The following ENAH variants were observed in gnomAD, a reference collection of about 807,000 sequenced individuals.
ENAH encodes the protein ENAH actin regulator.
A neutral mutation model predicts 78.7 loss-of-function variants in ENAH; 23 were observed. The observed-to-expected ratio is 0.29, with a 90% confidence interval of 0.21 to 0.41. The LOEUF (loss-of-function observed/expected upper bound fraction) is 0.41, where lower values mean the gene tolerates loss of function less well. Ranked by LOEUF, ENAH falls within the 10% of genes least tolerant of loss-of-function variation. The pLI is 1.00. For missense variants in ENAH, 544 were observed against 691.0 expected (o/e 0.79, Z 2.39); for synonymous variants, 226 against 241.0 (o/e 0.94, Z 0.58).
intron 1 of ENAH, among the ~76,000 whole-genome samples, chr1:225,644,503 T>C (rs1252762443): frequency 1.3e-5 from 2 of 152,172 alleles, no homozygotes; most frequent in Non-Finnish European, 2.9e-5. Context: ...GATATTCAAA[T>C]AACCAGTATA....
In ENAH at chr1:225,588,585, G is replaced by A. The variant is rs190440482; in HGVS notation, c.6-21171C>T. Reference sequence around the variant, plus strand: ...AACACTTTGGGAGGCCAAGGTGGACGGATCACGAAGTCAGGAGATTGAGAC... The same window carrying A: ...AACACTTTGGGAGGCCAAGGTGGACAGATCACGAAGTCAGGAGATTGAGAC... On this transcript the variant is annotated intron_variant, in intron 1 of 13. Coordinates refer to ENST00000366843, the MANE Select transcript of ENAH (RefSeq NM_018212.6). 2.1e-3 allele frequency among the ~76,000 whole-genome samples: 316 copies of A among 152,226 alleles called. 2 individuals are homozygous for A. The highest frequency in any genetic ancestry group is 3.4e-3 in the Middle Eastern group (1 of 294).
chr1:225,588,221 C>T (rs1175790066), intron 1 of ENAH, among the ~76,000 whole-genome samples: 2 of 152,076 alleles, frequency 1.3e-5, no homozygotes, highest in Non-Finnish European at 2.9e-5. Context: ...AGAATGCATA[C>T]ATAGGCAAGG....
rs1175105476 is a variant in ENAH, at chr1:225,493,589, A to G, written c.*4186T>C. On this transcript the variant is annotated 3_prime_UTR_variant, in exon 14 of 14. Coordinates refer to ENST00000366843, the MANE Select transcript of ENAH (RefSeq NM_018212.6). ...ACAGATATGAACTCATCTTTCTATTAAAAACAAAAGTGGTGCTACCAGAAA... is the reference window on the plus strand; with the variant it reads ...ACAGATATGAACTCATCTTTCTATTGAAAACAAAAGTGGTGCTACCAGAAA... The G allele has an allele frequency of 6.6e-6, 1 of 152,196 alleles. No individual in the cohort carries two copies. Among genetic ancestry groups the G allele is most frequent in the Admixed American group, 6.5e-5 (1 of 15,276 alleles). 9.4% of individuals were successfully genotyped at this position (152,196 alleles called of 1,614,324 possible). A position where few individuals can be genotyped will look rare whatever the true frequency, so the allele number is the denominator to read the frequency against.
At chr1:225,618,704 T>C (rs1162203863) in intron 1 of ENAH, among the ~76,000 whole-genome samples, 1 of 152,246 alleles carries the variant, frequency 6.6e-6, no homozygotes, top group Admixed American at 6.5e-5. Flanking sequence ...GAAAGTTTCA[T>C]GTTCTACTTA....
intron 1 of ENAH, among the ~76,000 whole-genome samples, chr1:225,615,225 G>A (rs1345770059): frequency 6.6e-6 from 1 of 151,700 alleles, no homozygotes; most frequent in East Asian, 1.9e-4. Flanking sequence ...GTATTTTTTC[G>A]GTGGAGACGG....
intron 10 of ENAH, 40 bp downstream of exon 10, chr1:225,511,761 TAATATTTAGA>T (rs778707397): frequency 7.5e-7 from 1 of 1,342,032 alleles, no homozygotes; most frequent in Non-Finnish European, 1.0e-6. Context: ...TGGGGAGTAT[TAATATTTAGA>T]GAAAGTTTAT....
At chr1:225,571,962 G>A (rs1414133131) in intron 1 of ENAH, among the ~76,000 whole-genome samples, 3 of 152,074 alleles carry the variant, frequency 2.0e-5, no homozygotes, top group Non-Finnish European at 4.4e-5. Context: ...GCTTTCCTGA[G>A]TTTTGGGAAT....
intron 7 of ENAH, 132 bp from the exon 8 acceptor site, chr1:225,513,148 A>C (rs2151120719): frequency 2.6e-6 from 2 of 763,610 alleles, no homozygotes; most frequent in Middle Eastern, 7.5e-4. Context: ...TTTAAGCTTT[A>C]AGAACCAATA....
intron 1 of ENAH, among the ~76,000 whole-genome samples, chr1:225,610,028 C>A (rs1309242228): frequency 6.6e-6 from 1 of 151,458 alleles, no homozygotes; most frequent in African/African-American, 2.4e-5. Context: ...ACATGTATAC[C>A]ACATGATAAA....
intron 1 of ENAH, among the ~76,000 whole-genome samples, chr1:225,610,809 C>A (rs560244982): frequency 6.6e-6 from 1 of 152,126 alleles, no homozygotes; most frequent in African/African-American, 2.4e-5. Flanking sequence ...CCCACATACA[C>A]GCTCAAGAAA....
chr1:225,505,304 A>G (rs962811861), intron 11 of ENAH, among the ~76,000 whole-genome samples: 41 of 152,226 alleles, frequency 2.7e-4, no homozygotes, highest in Non-Finnish European at 1.8e-4. Flanking sequence ...AGGCACAGTA[A>G]GTATATAAAA....
chr1:225,644,712 C>T (rs1661643173), intron 1 of ENAH, among the ~76,000 whole-genome samples: 1 of 152,116 alleles, frequency 6.6e-6, no homozygotes, highest in Non-Finnish European at 1.5e-5. Context: ...CTCTAAGGCA[C>T]AGTTAAAGGT....
rs1771316 is a variant in ENAH at position 225,493,278 on chromosome 1, A to G, written c.*4497T>C. 6.6e-6 allele frequency: 1 copy of G among 152,196 alleles called. No homozygotes were observed. The highest frequency in any genetic ancestry group is 2.1e-4 in the South Asian group (1 of 4,808). 9.4% of individuals were successfully genotyped at this position (152,196 alleles called of 1,614,324 possible). A position where few individuals can be genotyped will look rare whatever the true frequency, so the allele number is the denominator to read the frequency against. The stretch of plus-strand genomic sequence containing the variant: ...AACAGTTCTTGGCTTCTATAAACGG[A>G]CTTTCTTGAGGGGTTACTGACTTCA... On this transcript the variant is annotated 3_prime_UTR_variant, in exon 14 of 14. Coordinates refer to ENST00000366843, the MANE Select transcript of ENAH (RefSeq NM_018212.6).
chr1:225,560,782 A>C (rs1455961826), intron 2 of ENAH, among the ~76,000 whole-genome samples: 1 of 152,248 alleles, frequency 6.6e-6, no homozygotes, highest in African/African-American at 2.4e-5. Context: ...AGGCAAATCA[A>C]TATCCCTGCT....
intron 3 of ENAH, among the ~76,000 whole-genome samples, chr1:225,554,595 T>C (rs1322882883): frequency 6.6e-6 from 1 of 152,216 alleles, no homozygotes; most frequent in East Asian, 1.9e-4. Flanking sequence ...TTCATGTACT[T>C]GCAACGGAAG....
chr1:225,574,928 ATAT>A (rs796726812), intron 1 of ENAH, among the ~76,000 whole-genome samples: 1 of 108,190 alleles, frequency 9.2e-6, no homozygotes, highest in Non-Finnish European at 2.0e-5. Flanking sequence ...AAATATATAT[ATAT>A]AAAAAAAAAA....
chr1:225,575,755 C>T (rs1315069639), intron 1 of ENAH, among the ~76,000 whole-genome samples: 1 of 152,178 alleles, frequency 6.6e-6, no homozygotes, highest in Non-Finnish European at 1.5e-5. Context: ...TTGTGCATAT[C>T]ATCTCTACCA....
chr1:225,526,266 A>G (rs1277397751), intron 4 of ENAH, among the ~76,000 whole-genome samples: 1 of 151,696 alleles, frequency 6.6e-6, no homozygotes, highest in Non-Finnish European at 1.5e-5. Context: ...TCTTTGTTTT[A>G]GGACTATTTT....
At chr1:225,548,847 ATTTT>A (rs11392563) in intron 3 of ENAH, among the ~76,000 whole-genome samples, 1 of 139,360 alleles carries the variant, frequency 7.2e-6, no homozygotes, top group Non-Finnish European at 1.5e-5. Context: ...TAGTGAACAG[ATTTT>A]TTTTTTTTTT....
Sources: gnomAD v4.1 joint callset for allele counts (sites outside exome capture counted in the v4.1 genomes callset) on GRCh38, gnomAD v4.1.1 for gene constraint, MANE v1.5 for transcripts, NCBI Gene and HGNC (gene_info 2026-07-23, HGNC 2026-07-21) for gene names.